The following OR4D10 variants were observed in gnomAD, a reference collection of about 807,000 sequenced individuals.
OR4D10 encodes the protein olfactory receptor 4D10.
For synonymous variants in OR4D10, 188 were observed against 153.2 expected, an observed-to-expected ratio of 1.23 and a Z score of -1.68; for missense variants, 395 against 378.0, an observed-to-expected ratio of 1.04 and a Z score of -0.37.
At chr11:59,476,688 C>G (rs1858911749) in intron 2 of OR4D10, among the ~76,000 whole-genome samples, 1 of 152,174 alleles carries the variant, frequency 6.6e-6, no homozygotes, top group Non-Finnish European at 1.5e-5. Flanking sequence ...CAGAATCCAT[C>G]TGACACAGGG....
rs1858940615 is a variant in OR4D10, at chr11:59,478,994, T to G, written c.*629T>G. The G allele has an allele frequency of 6.6e-6, 1 of 152,282 alleles. No individual in the cohort carries two copies. The highest frequency in any genetic ancestry group is 2.1e-4 in the South Asian group (1 of 4,832). The allele number at this position is 152,282 out of a possible 1,614,324, so 9.4% of individuals were successfully genotyped here. ...GGATTGACTTTCTGTATAATTTTCATAAGGTAAACGTATCCTACATGATCC... is the reference window on the plus strand; with the variant it reads ...GGATTGACTTTCTGTATAATTTTCAGAAGGTAAACGTATCCTACATGATCC... On this transcript the variant is annotated 3_prime_UTR_variant, in exon 3 of 3. Coordinates refer to ENST00000530162, the MANE Select transcript of OR4D10 (RefSeq NM_001004705.2).
chr11:59,476,099 GTTTC>G (rs1219081208), intron 2 of OR4D10, among the ~76,000 whole-genome samples: 2 of 152,132 alleles, frequency 1.3e-5, no homozygotes, highest in African/African-American at 4.8e-5. Context: ...TCTGAAGATC[GTTTC>G]TTTATCTGTG....
At position 59,477,944 on chromosome 11, in the gene OR4D10, A is replaced by C; in HGVS notation, c.515A>C (p.Asn172Thr). The C allele has an allele frequency of 6.2e-7, 1 of 1,614,002 alleles. No homozygotes were observed. The highest frequency in any genetic ancestry group is 8.5e-7 in the Non-Finnish European group (1 of 1,180,012). ...CTCCCACTCCCTTTCTGCGGACCCAATGTTCTTGACACTTTCTACTGTGAT... is the reference window on the plus strand; with the variant it reads ...CTCCCACTCCCTTTCTGCGGACCCACTGTTCTTGACACTTTCTACTGTGAT... The part of the protein sequence containing the change: ...LLLPLPFCGP[N>T]VLDTFYCDVH... The change falls in exon 3 of 3, where the codon AAT (asparagine) becomes ACT (threonine). Residue 172 changes from asparagine to threonine, a missense_variant. Physicochemically the swap from Asn to Thr is moderately conservative, Grantham distance 65. Coordinates refer to ENST00000530162, the MANE Select transcript of OR4D10 (RefSeq NM_001004705.2).
rs1486275646 is a variant in OR4D10, at chr11:59,473,769, C to T, written c.-193C>T. On this transcript the variant is annotated 5_prime_UTR_variant, in exon 2 of 3. Coordinates refer to ENST00000530162, the MANE Select transcript of OR4D10 (RefSeq NM_001004705.2). ...TCAAATGCTTCAGAGTTAAAATAAT[C>T]ATCTCAATGACAGAAACAACAAAGG... The T allele has an allele frequency of 1.3e-5, 2 of 152,100 alleles. No homozygotes were observed. The highest frequency in any genetic ancestry group is 2.9e-5 in the Non-Finnish European group (2 of 68,014). 9.4% of individuals were successfully genotyped at this position (152,100 alleles called of 1,614,324 possible). A position where few individuals can be genotyped will look rare whatever the true frequency, so the allele number is the denominator to read the frequency against.
In OR4D10 at chr11:59,478,456, C is replaced by T. The variant is rs1385997805; in HGVS notation, c.*91C>T. ...ATATTCATATATTCAAATATATTGT[C>T]AAACCAACTACACTTAGTAATAATT... On this transcript the variant is annotated 3_prime_UTR_variant, in exon 3 of 3. Coordinates refer to ENST00000530162, the MANE Select transcript of OR4D10 (RefSeq NM_001004705.2). 9 of 857,924 alleles carry T rather than the reference C, an allele frequency of 1.0e-5. No homozygotes were observed. Among genetic ancestry groups the T allele is most frequent in the African/African-American group, 1.7e-5 (1 of 58,724 alleles). The allele number at this position is 857,924 out of a possible 1,614,324, so 53.1% of individuals were successfully genotyped here. A position where few individuals can be genotyped will look rare whatever the true frequency, so the allele number is the denominator to read the frequency against.
chr11:59,477,530 T>G lies in OR4D10; in HGVS notation c.101T>G (p.Val34Gly). 1 of 1,614,152 alleles carries G rather than the reference T, an allele frequency of 6.2e-7. No individual in the cohort carries two copies. Among genetic ancestry groups the G allele is most frequent in the Non-Finnish European group, 8.5e-7 (1 of 1,179,982 alleles). Residue 34 changes from valine (V) to glycine (G), a missense_variant, in exon 3 of 3, where the codon GTG becomes GGG. Coordinates refer to ENST00000530162, the MANE Select transcript of OR4D10 (RefSeq NM_001004705.2). ...GTCTTATTTCTTTTCCTACTCTTGG[T>G]GTATGTGACAACTTTGCTGGGAAAC... ...SLVLFLFLLL[V>G]YVTTLLGNLL...
At position 59,478,599 on chromosome 11, in the gene OR4D10, T is replaced by G. The variant is rs1858937412; in HGVS notation, c.*234T>G. ...TCTTTACCACCAAGATTTTGTTTCATGATTTTTCTTCCATGGACTCCAAGT... is the reference window on the plus strand; with the variant it reads ...TCTTTACCACCAAGATTTTGTTTCAGGATTTTTCTTCCATGGACTCCAAGT... On this transcript the variant is annotated 3_prime_UTR_variant, in exon 3 of 3. Transcript: ENST00000530162. The G allele has an allele frequency of 5.4e-6, 2 of 372,480 alleles. No homozygotes were observed. The highest frequency in any genetic ancestry group is 8.2e-5 in the Admixed American group (2 of 24,528). The allele number at this position is 372,480 out of a possible 1,614,324, so 23.1% of individuals were successfully genotyped here. A position where few individuals can be genotyped will look rare whatever the true frequency, so the allele number is the denominator to read the frequency against.
chr11:59,475,975 A>T (rs551166486), intron 2 of OR4D10, among the ~76,000 whole-genome samples: 87 of 152,350 alleles, frequency 5.7e-4, no homozygotes, highest in South Asian at 1.0e-3. Flanking sequence ...TTAAACAATG[A>T]TCATATGTTG....
In OR4D10 at chr11:59,477,962, A is replaced by G; in HGVS notation, c.533A>G (p.Tyr178Cys). 1 of 1,613,954 alleles carries G rather than the reference A, an allele frequency of 6.2e-7. No individual in the cohort carries two copies. Among genetic ancestry groups the G allele is most frequent in the Non-Finnish European group, 8.5e-7 (1 of 1,179,984 alleles). ...FCGPNVLDTF[Y>C]CDVHRVLKLA... ...GGACCCAATGTTCTTGACACTTTCT[A>G]CTGTGATGTCCACCGGGTCCTCAAA... Residue 178 changes from tyrosine (Y) to cysteine (C), a missense_variant, in exon 3 of 3, where the codon TAC becomes TGC. By Grantham distance (194) the Tyr-to-Cys change is radical. Coordinates refer to ENST00000530162, the MANE Select transcript of OR4D10 (RefSeq NM_001004705.2).
At chr11:59,475,208 C>T (rs1392869292) in intron 2 of OR4D10, among the ~76,000 whole-genome samples, 1 of 152,036 alleles carries the variant, frequency 6.6e-6, no homozygotes. Flanking sequence ...CAAACGATAC[C>T]TAGGCACCAT....
At position 59,478,281 on chromosome 11, in the gene OR4D10, C is replaced by G. The variant is rs1314649947; in HGVS notation, c.852C>G (p.Pro284=). The G allele has an allele frequency of 6.2e-7, 1 of 1,613,916 alleles. No individual in the cohort carries two copies. Residue 284 remains proline, a synonymous_variant, in exon 3 of 3, where the codon CCC becomes CCG. Coordinates refer to ENST00000530162, the MANE Select transcript of OR4D10 (RefSeq NM_001004705.2). ...CTGTCATCTCCCCTCTGCTCAACCC[C>G]TTGATCTACACTCTGAGGAACCATG... ...TFTVISPLLN[P]LIYTLRNHEM...
Position 59,477,854 on chromosome 11 carries a change from T to G in OR4D10, c.425T>G (p.Ile142Ser). The G allele has an allele frequency of 6.2e-7, 1 of 1,614,160 alleles. No individual in the cohort carries two copies. The highest frequency in any genetic ancestry group is 8.5e-7 in the Non-Finnish European group (1 of 1,180,024). ...YATIMSRDHC[I>S]GLTVAAWLGG... ...ACTATCATGAGTAGAGACCATTGCA[T>G]TGGGCTCACAGTGGCTGCCTGGTTG... is the stretch of plus-strand genomic sequence containing the variant. The change falls in exon 3 of 3, where the codon ATT becomes AGT. Residue 142 changes from isoleucine to serine, a missense_variant. Transcript: ENST00000530162.
At position 59,478,385 on chromosome 11, in the gene OR4D10, T is replaced by A; in HGVS notation, c.*20T>A. The A allele has an allele frequency of 1.4e-6, 2 of 1,473,330 alleles. No homozygotes were observed. Among genetic ancestry groups the A allele is most frequent in the Non-Finnish European group, 1.8e-6 (2 of 1,090,960 alleles). The allele number at this position is 1,473,330 out of a possible 1,614,324, so 91.3% of individuals were successfully genotyped here. ...AAATAGAAAAAAAAATCCTCAGCTC[T>A]TCATCACCAAAGATATCTTATATTT... On this transcript the variant is annotated 3_prime_UTR_variant, in exon 3 of 3. Coordinates refer to ENST00000530162, the MANE Select transcript of OR4D10 (RefSeq NM_001004705.2).
rs1343635884 is a variant in OR4D10 at position 59,477,358 on chromosome 11, A to C, written c.-72A>C. Reference sequence around the variant, plus strand: ...CACTGCATTCTAGGTGTTTAGGAAGACAACAAAATAAATATCCCAGTGCTT... The same window carrying C: ...CACTGCATTCTAGGTGTTTAGGAAGCCAACAAAATAAATATCCCAGTGCTT... On this transcript the variant is annotated 5_prime_UTR_variant, in exon 3 of 3. Transcript: ENST00000530162. 2 of 1,165,166 alleles carry C rather than the reference A, an allele frequency of 1.7e-6. No individual in the cohort carries two copies. The highest frequency in any genetic ancestry group is 4.8e-5 in the East Asian group (2 of 41,426). 72.2% of individuals were successfully genotyped at this position (1,165,166 alleles called of 1,614,324 possible). A position where few individuals can be genotyped will look rare whatever the true frequency, so the allele number is the denominator to read the frequency against.
chr11:59,475,466 A>G (rs1858895180), intron 2 of OR4D10, among the ~76,000 whole-genome samples: 2 of 152,166 alleles, frequency 1.3e-5, no homozygotes, highest in Admixed American at 6.5e-5. Flanking sequence ...GGCTTCCCGC[A>G]CTAGTCTCAG....
Position 59,477,941 on chromosome 11 carries a change from C to G in OR4D10, c.512C>G (p.Pro171Arg), listed in dbSNP as rs753106840. The G allele has an allele frequency of 6.2e-7, 1 of 1,614,116 alleles. No homozygotes were observed. The highest frequency in any genetic ancestry group is 1.7e-5 in the Admixed American group (1 of 60,008). The part of the protein sequence containing the change: ...SLLLPLPFCG[P>R]NVLDTFYCDV... ...TTGCTCCCACTCCCTTTCTGCGGAC[C>G]CAATGTTCTTGACACTTTCTACTGT... The change falls in exon 3 of 3, where the codon CCC becomes CGC. Residue 171 changes from proline (P) to arginine (R), a missense_variant. Physicochemically the swap from Pro to Arg is moderately radical, Grantham distance 103. Transcript: ENST00000530162.
In OR4D10 at chr11:59,475,058, C is replaced by T. The variant is rs1377964910; in HGVS notation, c.-169+1265C>T. On this transcript the variant is annotated intron_variant, in intron 2 of 2. Transcript: ENST00000530162. ...CCTGGGTGACAGAGTGAGACTCTGTCTCAAAAAAAAAAAAAAAAGGAAAAA... is the reference window on the plus strand; with the variant it reads ...CCTGGGTGACAGAGTGAGACTCTGTTTCAAAAAAAAAAAAAAAAGGAAAAA... 0.034 allele frequency among the ~76,000 whole-genome samples: 135 copies of T among 3,946 alleles called. 3 individuals carry two copies. The South Asian group carries it at 0.45, about 13-fold the overall frequency. 2.6% of individuals were successfully genotyped at this position (3,946 alleles called of 152,430 possible). A position where few individuals can be genotyped will look rare whatever the true frequency, so the allele number is the denominator to read the frequency against.
chr11:59,477,670 G>C lies in OR4D10; in HGVS notation c.241G>C (p.Val81Leu). 6.2e-7 allele frequency: 1 copy of C among 1,614,114 alleles called. No homozygotes were observed. Among genetic ancestry groups the C allele is most frequent in the Non-Finnish European group, 8.5e-7 (1 of 1,180,004 alleles). Residue 81 changes from valine to leucine, a missense_variant, in exon 3 of 3, where the codon GTT (valine) becomes CTT (leucine). Val to Leu is a conservative substitution (Grantham distance 32, BLOSUM62 1). Transcript: ENST00000530162. ...ICFSSITVPKVLVDLLSERKT... is the reference protein window; with the variant it reads ...ICFSSITVPKLLVDLLSERKT... Reference sequence around the variant, plus strand: ...CTTCTCTTCCATCACAGTGCCCAAGGTTCTGGTGGACCTTCTGTCTGAAAG... The same window carrying C: ...CTTCTCTTCCATCACAGTGCCCAAGCTTCTGGTGGACCTTCTGTCTGAAAG...
rs1328652985 is a variant in OR4D10, at chr11:59,478,408, TTTA to T, written c.*49_*51del. ...TCTTCATCACCAAAGATATCTTATA[TTTA>T]TTATTTTTCCCATGAAGTCATATTC... On this transcript the variant is annotated 3_prime_UTR_variant, in exon 3 of 3. Transcript: ENST00000530162. The T allele has an allele frequency of 1.2e-5, 16 of 1,317,416 alleles. No individual in the cohort carries two copies. The Admixed American group carries it at 4.3e-4, about 35-fold the overall frequency. The allele number at this position is 1,317,416 out of a possible 1,614,324, so 81.6% of individuals were successfully genotyped here.
Sources: allele counts gnomAD v4.1 joint callset (sites outside exome capture counted in the v4.1 genomes callset), GRCh38; gene constraint gnomAD v4.1.1; transcripts MANE v1.5; gene names NCBI Gene and HGNC (gene_info 2026-07-23, HGNC 2026-07-21).